Variants in ZNF366 observed in about 807,000 individuals in gnomAD.
The protein encoded by ZNF366 is dendritic cell-specific transcript protein.
A neutral mutation model predicts 47.2 loss-of-function variants in ZNF366; 20 were observed. The observed-to-expected ratio is 0.42, with a 90% CI of 0.30 to 0.62. ZNF366 has a LOEUF of 0.62. Ranked by LOEUF, ZNF366 falls within the 20% of genes least tolerant of loss-of-function variation. The pLI, the probability that ZNF366 is intolerant of heterozygous loss-of-function variation, is 0.16. For synonymous variants in ZNF366, 421 were observed against 395.1 expected (o/e 1.07, Z -0.78); for missense variants, 987 against 976.3 (o/e 1.01, Z -0.15).
At chr5:72,451,458 C>T (rs1743069430) in intron 3 of ZNF366, among the ~76,000 whole-genome samples, 1 of 152,198 alleles carries the variant, frequency 6.6e-6, no homozygotes, top group South Asian at 2.1e-4. Context: ...GAGCTTGCTC[C>T]ATTTTCTCTT....
chr5:72,492,441 C>T (rs935730519), intron 1 of ZNF366, among the ~76,000 whole-genome samples: 7 of 152,084 alleles, frequency 4.6e-5, no homozygotes. Context: ...TCTTCATTGG[C>T]CCATGTGCGA....
At chr5:72,452,483 C>T (rs867178006) in intron 3 of ZNF366, among the ~76,000 whole-genome samples, 4 of 152,236 alleles carry the variant, frequency 2.6e-5, no homozygotes, top group African/African-American at 4.8e-5. Context: ...CCTTAACCCC[C>T]TCCATGCCAG....
Position 72,460,522 on chromosome 5 carries a change from C to T in ZNF366, c.975G>A (p.Lys325=). 6.2e-7 allele frequency: 1 copy of T among 1,614,096 alleles called. No individual in the cohort carries two copies. The highest frequency in any genetic ancestry group is 8.5e-7 in the Non-Finnish European group (1 of 1,180,038). Residue 325 remains lysine, a synonymous_variant, in exon 2 of 5, where the codon AAG becomes AAA. Transcript: ENST00000318442. ...HKAFTQTSHL[K]RHMMQHSEVK... is the part of the protein sequence containing the mutation. The stretch of plus-strand genomic sequence containing the variant: ...CCTCGCTGTGCTGCATCATGTGGCG[C>T]TTCAGGTGGCTGGTCTGGGTGAAGG...
intron 1 of ZNF366, among the ~76,000 whole-genome samples, chr5:72,492,564 T>C (rs145707633): frequency 6.6e-6 from 1 of 152,184 alleles, no homozygotes; most frequent in Non-Finnish European, 1.5e-5. Context: ...AAGCAATAGG[T>C]TCTTTTCTCC....
In ZNF366 at chr5:72,447,361, G is replaced by C. The variant is rs772566639; in HGVS notation, c.1581C>G (p.His527Gln). The C allele has an allele frequency of 6.2e-7, 1 of 1,614,070 alleles. No individual in the cohort carries two copies. ...MHNLMGHMHL[H>Q]SDSKPFKCLY... Reference sequence around the variant, plus strand: ...GGCACTTGAAGGGTTTGCTGTCTGAGTGCAGGTGCATGTGGCCCATCAGGT... The same window carrying C: ...GGCACTTGAAGGGTTTGCTGTCTGACTGCAGGTGCATGTGGCCCATCAGGT... Residue 527 changes from histidine to glutamine, a missense_variant, in exon 4 of 5, where the codon CAC becomes CAG. His to Gln is a conservative substitution (Grantham distance 24, BLOSUM62 0). Transcript: ENST00000318442.
intron 1 of ZNF366, among the ~76,000 whole-genome samples, chr5:72,479,657 T>A (rs2112342821): frequency 6.6e-6 from 1 of 152,308 alleles, no homozygotes; most frequent in Middle Eastern, 3.4e-3. Context: ...TTTTTAAAAC[T>A]TTTTTGGGGC....
chr5:72,457,150 C>T (rs1698228466), intron 2 of ZNF366, among the ~76,000 whole-genome samples: 2 of 152,174 alleles, frequency 1.3e-5, no homozygotes, highest in African/African-American at 2.4e-5. Context: ...TTCCCACAGG[C>T]CACACTGACC....
At chr5:72,481,727 A>G (rs950754138) in intron 1 of ZNF366, among the ~76,000 whole-genome samples, 1 of 152,194 alleles carries the variant, frequency 6.6e-6, no homozygotes, top group Non-Finnish European at 1.5e-5. Flanking sequence ...TTGACCCAAC[A>G]TTATAATAAG....
At position 72,442,217 on chromosome 5, in the gene ZNF366, T is replaced by C. The variant is rs1429622754; in HGVS notation, c.*1539A>G. 2 of 152,178 alleles carry C rather than the reference T, an allele frequency of 1.3e-5. No individual in the cohort carries two copies. The highest frequency in any genetic ancestry group is 2.9e-5 in the Non-Finnish European group (2 of 68,030). The allele number at this position is 152,178 out of a possible 1,614,324, so 9.4% of individuals were successfully genotyped here. ...TTGTGAGGTCTCCTATTCTCAACCTTAAAGAGTCTGAGGCTAGGAACAGAA... is the reference window on the plus strand; with the variant it reads ...TTGTGAGGTCTCCTATTCTCAACCTCAAAGAGTCTGAGGCTAGGAACAGAA... On this transcript the variant is annotated 3_prime_UTR_variant, in exon 5 of 5. Transcript: ENST00000318442.
chr5:72,456,589 T>C lies in ZNF366; in HGVS notation c.1339A>G (p.Lys447Glu), dbSNP rs1217429677. 1 of 1,598,348 alleles carries C rather than the reference T, an allele frequency of 6.3e-7. No homozygotes were observed. The highest frequency in any genetic ancestry group is 8.6e-7 in the Non-Finnish European group (1 of 1,167,784). The part of the protein sequence containing the change: ...KQHSLTHKGV[K>E]EHKCGICGRE... ...CCACAAATCCCACACTTATGCTCCT[T>C]CACACCCTGCAGGGAGGCAAGATTC... The change falls in exon 3 of 5, where the codon AAG becomes GAG. Residue 447 changes from lysine (K) to glutamate (E), a missense_variant. Lys to Glu is a moderately conservative substitution (Grantham distance 56). Around this residue, in one of 3 missense-constraint regions of ZNF366, gnomAD observed 111 missense variants for 180.5 expected, o/e 0.61. Transcript: ENST00000318442.
At chr5:72,488,761 T>C (rs1166458761) in intron 1 of ZNF366, among the ~76,000 whole-genome samples, 1 of 152,190 alleles carries the variant, frequency 6.6e-6, no homozygotes, top group African/African-American at 2.4e-5. Context: ...AGAGGTTGGG[T>C]ACCATGTATG....
intron 1 of ZNF366, among the ~76,000 whole-genome samples, chr5:72,470,008 G>A (rs974347856): frequency 3.3e-5 from 5 of 152,142 alleles, no homozygotes; most frequent in Non-Finnish European, 5.9e-5. Flanking sequence ...TCATGCCACT[G>A]CATTCTAACC....
chr5:72,497,370 T>A (rs925931799), intron 1 of ZNF366, among the ~76,000 whole-genome samples: 3 of 152,154 alleles, frequency 2.0e-5, no homozygotes, highest in Admixed American at 6.5e-5. Context: ...GGATATGGAA[T>A]CGTTTCAGTA....
At chr5:72,488,036 T>A (rs1486905094) in intron 1 of ZNF366, among the ~76,000 whole-genome samples, 1 of 151,814 alleles carries the variant, frequency 6.6e-6, no homozygotes, top group Non-Finnish European at 1.5e-5. Flanking sequence ...TAAAACCCCC[T>A]CCCTACTAAA....
chr5:72,444,291 C>T lies in ZNF366; in HGVS notation c.1700G>A (p.Gly567Asp). The part of the protein sequence containing the change: ...GVMERGLHSQ[G>D]LGRGRIALAQ... ...CAGGGCGATTCTCCCCCTTCCCAGA[C>T]CTGCAAGAGCAGAGTAAGAATTCAT... is the stretch of plus-strand genomic sequence containing the variant. The change falls in exon 5 of 5, where the codon GGT becomes GAT. Residue 567 changes from glycine (G) to aspartate (D), a missense_variant and splice_region_variant. Gly to Asp is a moderately conservative substitution (Grantham distance 94). Around this residue, in one of 3 missense-constraint regions of ZNF366, gnomAD observed 285 missense variants for 234.8 expected, o/e 1.21. Coordinates refer to ENST00000318442, the MANE Select transcript of ZNF366 (RefSeq NM_152625.3). 1.2e-6 allele frequency: 2 copies of T among 1,603,656 alleles called. No individual in the cohort carries two copies. Among genetic ancestry groups the T allele is most frequent in the Non-Finnish European group, 8.5e-7 (1 of 1,174,826 alleles).
intron 1 of ZNF366, among the ~76,000 whole-genome samples, chr5:72,463,313 TACAG>T (rs1056249837): frequency 1.3e-5 from 2 of 152,192 alleles, no homozygotes; most frequent in African/African-American, 4.8e-5. Context: ...CTAGTCTATA[TACAG>T]ACAATCCAAT....
chr5:72,441,405 C>G lies in ZNF366; in HGVS notation c.*2351G>C, dbSNP rs1433645134. The stretch of plus-strand genomic sequence containing the variant: ...GCATCCTGGGCAATTTCATCAGAGG[C>G]ACTGATGAGCTATATTAATACTGAA... On this transcript the variant is annotated 3_prime_UTR_variant, in exon 5 of 5. Transcript: ENST00000318442. The G allele has an allele frequency of 6.6e-6, 1 of 152,196 alleles. No individual in the cohort carries two copies. The highest frequency in any genetic ancestry group is 6.5e-5 in the Admixed American group (1 of 15,282). The allele number at this position is 152,196 out of a possible 1,614,324, so 9.4% of individuals were successfully genotyped here.
Position 72,447,313 on chromosome 5 carries a change from G to A in ZNF366, c.1629C>T (p.Thr543=). The A allele has an allele frequency of 6.2e-7, 1 of 1,614,174 alleles. No homozygotes were observed. Among genetic ancestry groups the A allele is most frequent in the Non-Finnish European group, 8.5e-7 (1 of 1,180,038 alleles). ...FKCLYCPSKF[T]LKGNLTRHMK... is the part of the protein sequence containing the mutation. ...TGTGGCGTGTCAGGTTCCCCTTCAGGGTGAATTTGCTTGGGCAATAGAGGC... is the reference window on the plus strand; with the variant it reads ...TGTGGCGTGTCAGGTTCCCCTTCAGAGTGAATTTGCTTGGGCAATAGAGGC... The change falls in exon 4 of 5, where the codon ACC becomes ACT. Residue 543 remains threonine (T), a synonymous_variant. Coordinates refer to ENST00000318442, the MANE Select transcript of ZNF366 (RefSeq NM_152625.3).
intron 1 of ZNF366, among the ~76,000 whole-genome samples, chr5:72,504,855 A>G (rs891925274): frequency 6.6e-6 from 1 of 152,206 alleles, no homozygotes; most frequent in Non-Finnish European, 1.5e-5. Flanking sequence ...TCACAACTCC[A>G]TTATGTTGAC....
Sources: allele counts gnomAD v4.1 joint callset (sites outside exome capture counted in the v4.1 genomes callset), GRCh38; gene constraint gnomAD v4.1.1; regional missense constraint gnomAD v4.1.1; transcripts MANE v1.5; gene names NCBI Gene and HGNC (gene_info 2026-07-23, HGNC 2026-07-21).